The following MICAL3 variants were observed in gnomAD, a reference collection of about 807,000 sequenced individuals.
The protein encoded by MICAL3 is microtubule associated monooxygenase, calponin and LIM domain containing 3.
A neutral mutation model predicts 207.4 loss-of-function variants in MICAL3; 62 were observed. The ratio of observed to expected loss-of-function variants is 0.30; its 90% CI spans 0.24 to 0.37. MICAL3 has a LOEUF of 0.37. MICAL3 is among the 10% of genes least tolerant of loss of function. The pLI is 1.00. For synonymous variants in MICAL3, 1,077 were observed against 1,069.3 expected, an observed-to-expected ratio of 1.01 and a Z score of -0.14; for missense variants, 2,368 against 2,635.6, an observed-to-expected ratio of 0.90 and a Z score of 2.22.
At chr22:17,847,344 G>A (rs554823655) in intron 19 of MICAL3, among the ~76,000 whole-genome samples, 1 of 152,234 alleles carries the variant, frequency 6.6e-6, no homozygotes, top group Non-Finnish European at 1.5e-5. Flanking sequence ...AGTCTGACAA[G>A]GACTGAAAGA....
chr22:18,006,193 T>C (rs1446740864), intron 1 of MICAL3: 1 of 152,244 alleles, frequency 6.6e-6, no homozygotes, highest in East Asian at 1.9e-4. Flanking sequence ...TGTGGGGTTA[T>C]CCTGATGGAT....
intron 1 of MICAL3, among the ~76,000 whole-genome samples, chr22:17,967,111 C>A (rs940038777): frequency 2.0e-5 from 3 of 152,180 alleles, no homozygotes; most frequent in Non-Finnish European, 4.4e-5. Flanking sequence ...AGTCAACCAA[C>A]ACGTGCTGAA....
At chr22:17,901,800 G>A (rs958597534) in intron 5 of MICAL3, 78 bp downstream of exon 5, 20 of 1,112,426 alleles carry the variant, frequency 1.8e-5, no homozygotes, top group Middle Eastern at 4.0e-4. Flanking sequence ...CGCTGGTCAC[G>A]CACAGTCTCG....
intron 29 of MICAL3, among the ~76,000 whole-genome samples, chr22:17,804,648 C>T (rs1040165233): frequency 6.6e-6 from 1 of 152,124 alleles, no homozygotes; most frequent in Non-Finnish European, 1.5e-5. Context: ...TGGGCACTGC[C>T]GAGAGGCTGG....
At chr22:17,871,700 C>T in intron 17 of MICAL3, 137 bp downstream of exon 17, 3 of 717,444 alleles carry the variant, frequency 4.2e-6, no homozygotes, top group Non-Finnish European at 6.8e-6. Context: ...GGGAGAGGGG[C>T]AAGAAAGGCT....
rs769791032 is a variant in MICAL3 at position 17,906,813 on chromosome 22, G to C, written c.-1C>G. ...TGGTCTCATGCTTCCTCTCCTCCAT[G>C]CTGCCTCACTCTCAGCACTCCCCAG... On this transcript the variant is annotated 5_prime_UTR_variant, in exon 2 of 32. Coordinates refer to ENST00000441493, the MANE Select transcript of MICAL3 (RefSeq NM_015241.3). The C allele has an allele frequency of 6.3e-7, 1 of 1,597,254 alleles. No homozygotes were observed. Among genetic ancestry groups the C allele is most frequent in the Admixed American group, 1.7e-5 (1 of 58,962 alleles).
chr22:17,926,284 C>T (rs568265555), intron 1 of MICAL3, among the ~76,000 whole-genome samples: 1 of 152,338 alleles, frequency 6.6e-6, no homozygotes, highest in East Asian at 1.9e-4. Context: ...CCAACAACAG[C>T]CTGGCTTGGA....
chr22:17,908,983 T>C (rs1313772609), intron 1 of MICAL3, among the ~76,000 whole-genome samples: 1 of 152,068 alleles, frequency 6.6e-6, no homozygotes, highest in Admixed American at 6.5e-5. Flanking sequence ...ACATGCCACT[T>C]CTCTCCGCAC....
chr22:17,893,408 G>A (rs1243635414), intron 11 of MICAL3, among the ~76,000 whole-genome samples: 2 of 152,106 alleles, frequency 1.3e-5, no homozygotes, highest in African/African-American at 4.8e-5. Context: ...CTATGTTGCA[G>A]GACCCAGCCA....
chr22:17,794,219 A>T (rs2061852877), intron 29 of MICAL3, among the ~76,000 whole-genome samples: 1 of 152,180 alleles, frequency 6.6e-6, no homozygotes, highest in African/African-American at 2.4e-5. Context: ...CTGGGTTGTC[A>T]TACCGGGGCC....
At chr22:17,878,206 A>AT (rs1929065790) in intron 16 of MICAL3, among the ~76,000 whole-genome samples, 1 of 152,192 alleles carries the variant, frequency 6.6e-6, no homozygotes, top group African/African-American at 2.4e-5. Flanking sequence ...TCAGCATCTC[A>AT]TTAAATACAC....
intron 1 of MICAL3, among the ~76,000 whole-genome samples, chr22:17,988,745 C>T (rs142848330): frequency 1.5e-4 from 23 of 152,334 alleles, no homozygotes; most frequent in African/African-American, 2.6e-4. Context: ...CATGAGCCAC[C>T]GCGCCTGGCC....
intron 1 of MICAL3, among the ~76,000 whole-genome samples, chr22:17,978,130 A>G (rs972803474): frequency 6.6e-6 from 1 of 152,222 alleles, no homozygotes; most frequent in South Asian, 2.1e-4. Flanking sequence ...CAAAAAGTGG[A>G]AATAACTCAA....
At position 17,790,661 on chromosome 22, in the gene MICAL3, G is replaced by T; in HGVS notation, c.*71C>A. 3 of 1,420,364 alleles carry T rather than the reference G, an allele frequency of 2.1e-6. No homozygotes were observed. The highest frequency in any genetic ancestry group is 2.9e-6 in the Non-Finnish European group (3 of 1,048,074). 88.0% of individuals were successfully genotyped at this position (1,420,364 alleles called of 1,614,324 possible). ...AGGTGCCAGGCCTCCTCAGATCGCG[G>T]CTCCGGGTGGTTTGGATGCCACTGC... On this transcript the variant is annotated 3_prime_UTR_variant, in exon 32 of 32. Transcript: ENST00000441493.
intron 1 of MICAL3, among the ~76,000 whole-genome samples, chr22:17,925,711 T>G (rs942697156): frequency 6.6e-6 from 1 of 152,142 alleles, no homozygotes; most frequent in African/African-American, 2.4e-5. Flanking sequence ...CAAACTAAAA[T>G]GAAGAACCCG....
intron 1 of MICAL3, among the ~76,000 whole-genome samples, chr22:17,991,060 A>G (rs1424339463): frequency 6.6e-6 from 1 of 152,244 alleles, no homozygotes; most frequent in Non-Finnish European, 1.5e-5. Context: ...GAGATGGTCC[A>G]CACGGCTCCT....
intron 1 of MICAL3, among the ~76,000 whole-genome samples, chr22:17,995,818 T>C (rs1050295930): frequency 6.6e-6 from 1 of 152,036 alleles, no homozygotes; most frequent in African/African-American, 2.4e-5. Flanking sequence ...CTCTTTTCTT[T>C]TTTAAAACTG....
chr22:17,950,344 T>TG (rs1361226169), intron 1 of MICAL3, among the ~76,000 whole-genome samples: 3 of 87,476 alleles, frequency 3.4e-5, no homozygotes, highest in Non-Finnish European at 8.0e-5. Flanking sequence ...TTTGTTTTTT[T>TG]TTTTTTTTTT....
At chr22:18,010,903 T>C (rs941249998) in intron 1 of MICAL3, among the ~76,000 whole-genome samples, 5 of 152,040 alleles carry the variant, frequency 3.3e-5, no homozygotes, top group Admixed American at 3.3e-4. Flanking sequence ...ACTTTTGTAA[T>C]GGGGAAAAAA....
Sources: gnomAD v4.1 joint callset for allele counts (sites outside exome capture counted in the v4.1 genomes callset) on GRCh38, gnomAD v4.1.1 for gene constraint, MANE v1.5 for transcripts, NCBI Gene and HGNC (gene_info 2026-07-23, HGNC 2026-07-21) for gene names.